The following ITPK1 variants were observed in gnomAD, a reference collection of about 807,000 sequenced individuals.
The protein encoded by ITPK1 is inositol-tetrakisphosphate 1-kinase, also known as inositol 1,3,4-trisphosphate 5/6-kinase.
Under a neutral mutation model 45.3 loss-of-function variants are expected in ITPK1, and 21 were observed. The ratio of observed to expected loss-of-function variants is 0.46; its 90% confidence interval spans 0.33 to 0.67. The LOEUF (loss-of-function observed/expected upper bound fraction) is 0.67, where lower values mean the gene tolerates loss of function less well. Ranked by LOEUF, ITPK1 falls within the 30% of genes least tolerant of loss-of-function variation. ITPK1 has a pLI of 0.02. For missense variants in ITPK1, 474 were observed against 573.5 expected, an observed-to-expected ratio of 0.83 and a Z score of 1.77; for synonymous variants, 258 against 253.6, an observed-to-expected ratio of 1.02 and a Z score of -0.16.
At chr14:92,992,490 T>C (rs1029526088) in intron 5 of ITPK1, among the ~76,000 whole-genome samples, 2 of 152,200 alleles carry the variant, frequency 1.3e-5, no homozygotes, top group Non-Finnish European at 2.9e-5. Context: ...AAAGCCTGCC[T>C]ACATGGGGCA....
In ITPK1 at chr14:93,107,078, G is replaced by C. The variant is rs572752512; in HGVS notation, c.95+7991C>G. ...GCTCAAGCAATTCTCCTGCCTCAGC[G>C]TCCCAAGTAGCTGGGATAACAAGCA... On this transcript the variant is annotated intron_variant, in intron 2 of 10. Coordinates refer to ENST00000267615, the MANE Select transcript of ITPK1 (RefSeq NM_014216.6). Among the ~76,000 whole-genome samples, 6 of 151,966 alleles carry C rather than the reference G, an allele frequency of 3.9e-5. No individual in the cohort carries two copies. The East Asian group carries it at 7.7e-4, about 20-fold the overall frequency.
intron 3 of ITPK1, among the ~76,000 whole-genome samples, chr14:93,075,107 A>G (rs533626259): frequency 6.6e-6 from 1 of 152,158 alleles, no homozygotes; most frequent in South Asian, 2.1e-4. Context: ...TGGGTGGATC[A>G]CCTGAGGTCG....
intron 5 of ITPK1, among the ~76,000 whole-genome samples, chr14:92,979,652 C>T (rs1053388943): frequency 1.3e-5 from 2 of 152,106 alleles, no homozygotes; most frequent in African/African-American, 4.8e-5. Flanking sequence ...TCTCCTGCTG[C>T]CACGTAAAGA....
rs900991400 is a variant in ITPK1, at chr14:93,115,872, CGCCGCCCCGCGCTGGCCCG to C, written c.-262_-244del. 6.8e-6 allele frequency: 1 copy of C among 146,392 alleles called. No homozygotes were observed. The highest frequency in any genetic ancestry group is 6.8e-5 in the Admixed American group (1 of 14,722). The allele number at this position is 146,392 out of a possible 1,614,324, so 9.1% of individuals were successfully genotyped here. On this transcript the variant is annotated 5_prime_UTR_variant, in exon 1 of 11. Coordinates refer to ENST00000267615, the MANE Select transcript of ITPK1 (RefSeq NM_014216.6). The stretch of plus-strand genomic sequence containing the variant: ...CCGCGCACTCGCCGCCCCTGCCCGC[CGCCGCCCCGCGCTGGCCCG>C]GCCGCCCCGCTTGAGCCCGCGGCGG...
At chr14:92,987,823 C>A (rs1374847681) in intron 5 of ITPK1, among the ~76,000 whole-genome samples, 1 of 152,218 alleles carries the variant, frequency 6.6e-6, no homozygotes, top group African/African-American at 2.4e-5. Flanking sequence ...TTCTTCCTCA[C>A]CCCATGACTC....
intron 9 of ITPK1, among the ~76,000 whole-genome samples, chr14:92,949,234 C>T (rs756866841): frequency 7.2e-5 from 11 of 152,290 alleles, no homozygotes; most frequent in Middle Eastern, 3.4e-3. Flanking sequence ...GCCGCAACTA[C>T]AGGCAAGCAA....
At chr14:93,040,859 C>T (rs1889530729) in intron 3 of ITPK1, among the ~76,000 whole-genome samples, 1 of 152,168 alleles carries the variant, frequency 6.6e-6, no homozygotes, top group Non-Finnish European at 1.5e-5. Context: ...GGCTCCATCA[C>T]CTGGATGGAA....
Position 93,016,760 on chromosome 14 carries a change from G to A in ITPK1, c.162C>T (p.Asp54=), listed in dbSNP as rs148650455. 23 of 1,613,972 alleles carry A rather than the reference G, an allele frequency of 1.4e-5. 1 individual carries two copies. In the African/African-American group the frequency reaches 2.1e-4, roughly 15 times the overall value. ...CGTCAGTCAGCTTGTGGATGATGACGTCCAGGGGGCCCTGCTCCTCGATCG... is the reference window on the plus strand; with the variant it reads ...CGTCAGTCAGCTTGTGGATGATGACATCCAGGGGGCCCTGCTCCTCGATCG... ...SRPIEEQGPL[D]VIIHKLTDVI... Residue 54 remains aspartate (D), a synonymous_variant, in exon 4 of 11, where the codon GAC becomes GAT. Transcript: ENST00000267615. This position sits in a 1 kb window ranked among gnomAD's most constrained non-coding sequence, Gnocchi z 5.0.
At chr14:92,991,030 C>G (rs990021490) in intron 5 of ITPK1, among the ~76,000 whole-genome samples, 2 of 151,986 alleles carry the variant, frequency 1.3e-5, no homozygotes, top group Non-Finnish European at 2.9e-5. Flanking sequence ...ACAACCGGGG[C>G]AGGGGGGGTG....
rs1286612778 is a variant in ITPK1 at position 92,958,158 on chromosome 14, C to T, written c.670+43G>A. ...AGCTGCTGCCACATCCCAGCTGGGC[C>T]CCTGAGTCTTGCTCAGCCCAAGATG... On this transcript the variant is annotated intron_variant, in intron 8 of 10. Coordinates refer to ENST00000267615, the MANE Select transcript of ITPK1 (RefSeq NM_014216.6). The surrounding 1 kb of genome is among the most constrained non-coding windows in gnomAD (Gnocchi z 4.4). 1 of 1,602,198 alleles carries T rather than the reference C, an allele frequency of 6.2e-7. No homozygotes were observed. The highest frequency in any genetic ancestry group is 1.3e-5 in the African/African-American group (1 of 74,616).
At chr14:92,998,597 A>T (rs1887178658) in intron 4 of ITPK1, among the ~76,000 whole-genome samples, 1 of 152,232 alleles carries the variant, frequency 6.6e-6, no homozygotes, top group East Asian at 1.9e-4. Context: ...CTGCTGACGC[A>T]TGAGGCTGGG....
chr14:92,979,673 T>A (rs891928174), intron 5 of ITPK1, among the ~76,000 whole-genome samples: 1 of 152,106 alleles, frequency 6.6e-6, no homozygotes, highest in African/African-American at 2.4e-5. Flanking sequence ...CATGCCTACT[T>A]CCCCTTTGCC....
In ITPK1 at chr14:93,041,324, C is replaced by T. The variant is rs558508595; in HGVS notation, c.121-24523G>A. Among the ~76,000 whole-genome samples the T allele has an allele frequency of 7.2e-5, 11 of 152,346 alleles. No individual in the cohort carries two copies. The South Asian group carries it at 1.4e-3, about 20-fold the overall frequency. ...AGAAGTCTTCTCTGACTCCTCCCTGCGGCCAGAAGTGGCAACCCTGTCTCT... is the reference window on the plus strand; with the variant it reads ...AGAAGTCTTCTCTGACTCCTCCCTGTGGCCAGAAGTGGCAACCCTGTCTCT... On this transcript the variant is annotated intron_variant, in intron 3 of 10. Transcript: ENST00000267615.
chr14:93,026,929 G>A (rs1888764154), intron 3 of ITPK1, among the ~76,000 whole-genome samples: 1 of 152,182 alleles, frequency 6.6e-6, no homozygotes, highest in Non-Finnish European at 1.5e-5. Context: ...GAACATTGGG[G>A]ATAGGTTCTT....
intron 3 of ITPK1, among the ~76,000 whole-genome samples, chr14:93,023,645 C>T (rs547919098): frequency 1.1e-4 from 17 of 152,242 alleles, no homozygotes; most frequent in Non-Finnish European, 2.2e-4. Flanking sequence ...AAACAGGCCC[C>T]GACAGGTAAC....
chr14:93,033,804 T>C (rs1381322628), intron 3 of ITPK1, among the ~76,000 whole-genome samples: 1 of 151,928 alleles, frequency 6.6e-6, no homozygotes, highest in Non-Finnish European at 1.5e-5. Context: ...CCTGTGCATG[T>C]GGGTGTGTGG....
At chr14:92,961,872 C>G (rs1885090452) in intron 7 of ITPK1, among the ~76,000 whole-genome samples, 1 of 152,250 alleles carries the variant, frequency 6.6e-6, no homozygotes, top group Non-Finnish European at 1.5e-5. Flanking sequence ...CTTGCTCTTG[C>G]TTTCTGCCCC....
At chr14:93,004,436 A>T (rs1266954912) in intron 4 of ITPK1, among the ~76,000 whole-genome samples, 1 of 152,190 alleles carries the variant, frequency 6.6e-6, no homozygotes, top group Admixed American at 6.5e-5. Flanking sequence ...CCTCATTTGT[A>T]TTCCAGAGAA....
At chr14:92,945,319 C>A (rs940730840) in intron 10 of ITPK1, among the ~76,000 whole-genome samples, 1 of 152,240 alleles carries the variant, frequency 6.6e-6, no homozygotes, top group East Asian at 1.9e-4. Flanking sequence ...TGCTCTCAGA[C>A]GAGCGGAGGT....
Sources: allele counts gnomAD v4.1 joint callset (sites outside exome capture counted in the v4.1 genomes callset), GRCh38; gene constraint gnomAD v4.1.1; non-coding constraint Gnocchi (gnomAD v3.1); transcripts MANE v1.5; gene names NCBI Gene and HGNC (gene_info 2026-07-23, HGNC 2026-07-21).